CNTNAP2: variants seen among roughly 807,000 people sequenced by gnomAD.
The protein encoded by CNTNAP2 is contactin-associated protein-like 2.
Under a neutral mutation model 155.2 loss-of-function variants are expected in CNTNAP2, and 98 were observed. That is an observed-to-expected ratio of 0.63 (90% CI 0.54 to 0.75). CNTNAP2 has a LOEUF of 0.75. Ranked by LOEUF, CNTNAP2 falls within the 30% of genes least tolerant of loss-of-function variation. The probability of loss-of-function intolerance (pLI) is 0.00; values close to 1 mark genes in which losing one functional copy is unlikely to be tolerated. For synonymous variants in CNTNAP2, 651 were observed against 631.2 expected (o/e 1.03, Z -0.47); for missense variants, 1,727 against 1,688.1 (o/e 1.02, Z -0.40).
At chr7:147,351,240 G>C (rs1221426569) in intron 9 of CNTNAP2, among the ~76,000 whole-genome samples, 1 of 151,676 alleles carries the variant, frequency 6.6e-6, no homozygotes, top group African/African-American at 2.4e-5. Flanking sequence ...TTGAGTGCTA[G>C]ATTAGTTTTA....
At chr7:148,125,627 G>A (rs1804701900) in intron 16 of CNTNAP2, among the ~76,000 whole-genome samples, 1 of 149,390 alleles carries the variant, frequency 6.7e-6, no homozygotes, top group Non-Finnish European at 1.5e-5. Flanking sequence ...TTCTTTATTT[G>A]AGACTAGTAA....
At chr7:146,128,748 G>A (rs919454551) in intron 1 of CNTNAP2, among the ~76,000 whole-genome samples, 2 of 152,028 alleles carry the variant, frequency 1.3e-5, no homozygotes, top group Non-Finnish European at 1.5e-5. Flanking sequence ...AGTGCTTATA[G>A]CTAGGTTATA....
At chr7:147,360,851 A>C (rs1485941531) in intron 9 of CNTNAP2, among the ~76,000 whole-genome samples, 1 of 152,172 alleles carries the variant, frequency 6.6e-6, no homozygotes, top group Non-Finnish European at 1.5e-5. Flanking sequence ...AAGGCAACAA[A>C]ATTATATGAA....
chr7:147,543,477 A>T (rs1167337239), intron 11 of CNTNAP2, among the ~76,000 whole-genome samples: 1 of 152,206 alleles, frequency 6.6e-6, no homozygotes, highest in African/African-American at 2.4e-5. Flanking sequence ...TGCTCCCAAA[A>T]ATGACACCTA....
At chr7:148,363,650 G>GT (rs1563058038) in intron 21 of CNTNAP2, among the ~76,000 whole-genome samples, 1 of 152,148 alleles carries the variant, frequency 6.6e-6, no homozygotes, top group Non-Finnish European at 1.5e-5. Flanking sequence ...AGGTGACAGC[G>GT]TGCTGGCAGT....
At chr7:146,507,693 T>C (rs1392517619) in intron 1 of CNTNAP2, among the ~76,000 whole-genome samples, 1 of 152,304 alleles carries the variant, frequency 6.6e-6, no homozygotes, top group Middle Eastern at 3.4e-3. Context: ...GACCTTGTTT[T>C]CATTCACAGC....
chr7:147,253,981 G>A (rs1256819095), intron 8 of CNTNAP2, among the ~76,000 whole-genome samples: 4 of 152,162 alleles, frequency 2.6e-5, no homozygotes, highest in African/African-American at 9.7e-5. Context: ...TGCGAAAAAT[G>A]GGATTCATTC....
At chr7:147,193,977 TG>T (rs917878454) in intron 8 of CNTNAP2, among the ~76,000 whole-genome samples, 1 of 151,198 alleles carries the variant, frequency 6.6e-6, no homozygotes, top group Non-Finnish European at 1.5e-5. Flanking sequence ...TAAAAAAAAG[TG>T]GGGGGAGATA....
At chr7:147,040,198 A>C (rs1251739078) in intron 3 of CNTNAP2, among the ~76,000 whole-genome samples, 1 of 152,166 alleles carries the variant, frequency 6.6e-6, no homozygotes, top group Non-Finnish European at 1.5e-5. Context: ...AAAGCTCACT[A>C]TGTAGTTTAA....
intron 1 of CNTNAP2, among the ~76,000 whole-genome samples, chr7:146,468,979 C>T (rs1796755463): frequency 6.6e-6 from 1 of 152,120 alleles, no homozygotes; most frequent in African/African-American, 2.4e-5. Context: ...CTGTATAGAA[C>T]ACTTGTTTTC....
At chr7:147,567,042 G>T (rs748546667) in intron 12 of CNTNAP2, among the ~76,000 whole-genome samples, 4 of 152,204 alleles carry the variant, frequency 2.6e-5, no homozygotes, top group African/African-American at 4.8e-5. Flanking sequence ...TGCCACAGAC[G>T]TATGGCAAAT....
At chr7:148,265,869 T>C (rs1298601648) in intron 20 of CNTNAP2, among the ~76,000 whole-genome samples, 1 of 152,230 alleles carries the variant, frequency 6.6e-6, no homozygotes, top group Non-Finnish European at 1.5e-5. Context: ...CTATTCATCG[T>C]AGTATGATGT....
intron 1 of CNTNAP2, among the ~76,000 whole-genome samples, chr7:146,180,533 G>A (rs1044362702): frequency 6.6e-6 from 1 of 151,848 alleles, no homozygotes; most frequent in South Asian, 2.1e-4. Flanking sequence ...TATTTTATTT[G>A]CATTATCTCT....
intron 18 of CNTNAP2, among the ~76,000 whole-genome samples, chr7:148,194,565 A>T (rs1202436801): frequency 6.6e-6 from 1 of 152,126 alleles, no homozygotes; most frequent in Non-Finnish European, 1.5e-5. Context: ...GGAGGCCAAG[A>T]CAGTCTATGA....
intron 3 of CNTNAP2, among the ~76,000 whole-genome samples, chr7:147,018,724 G>A (rs1798769145): frequency 6.6e-6 from 1 of 152,064 alleles, no homozygotes; most frequent in African/African-American, 2.4e-5. Context: ...TAAACAAATA[G>A]TAAAGTATTT....
chr7:147,517,587 A>G (rs965317304), intron 11 of CNTNAP2, among the ~76,000 whole-genome samples: 3 of 152,250 alleles, frequency 2.0e-5, no homozygotes, highest in African/African-American at 7.2e-5. Flanking sequence ...GTGTAAGTCA[A>G]CTATAGAAAG....
intron 3 of CNTNAP2, among the ~76,000 whole-genome samples, chr7:147,031,266 T>C (rs1799027293): frequency 6.6e-6 from 1 of 152,162 alleles, no homozygotes; most frequent in African/African-American, 2.4e-5. Flanking sequence ...AATAATATAT[T>C]TGAGTAAAAT....
At chr7:146,374,060 T>C (rs1460656801) in intron 1 of CNTNAP2, among the ~76,000 whole-genome samples, 1 of 152,146 alleles carries the variant, frequency 6.6e-6, no homozygotes, top group African/African-American at 2.4e-5. Flanking sequence ...TATGAAATAG[T>C]TGAAGTTGTT....
At chr7:146,515,666 C>T (rs1221893997) in intron 1 of CNTNAP2, among the ~76,000 whole-genome samples, 1 of 151,988 alleles carries the variant, frequency 6.6e-6, no homozygotes, top group African/African-American at 2.4e-5. Flanking sequence ...AACTGCTAGG[C>T]AATATAGATT....
Sources: allele counts gnomAD v4.1 joint callset (sites outside exome capture counted in the v4.1 genomes callset), GRCh38; gene constraint gnomAD v4.1.1; transcripts MANE v1.5; gene names NCBI Gene and HGNC (gene_info 2026-07-23, HGNC 2026-07-21).